DMXL2: variants seen among roughly 807,000 people sequenced by gnomAD.
DMXL2 encodes the protein Dmx like 2.
A neutral mutation model predicts 331.1 loss-of-function variants in DMXL2; 103 were observed. The ratio of observed to expected loss-of-function variants is 0.31; its 90% CI spans 0.27 to 0.37. DMXL2 has a LOEUF of 0.37. Ranked by LOEUF, DMXL2 falls within the 10% of genes least tolerant of loss-of-function variation. DMXL2 has a pLI of 1.00. For synonymous variants in DMXL2, 1,281 were observed against 1,252.1 expected, an observed-to-expected ratio of 1.02 and a Z score of -0.49; for missense variants, 3,171 against 3,642.9, an observed-to-expected ratio of 0.87 and a Z score of 3.33.
chr15:51,472,114 C>T (rs1214394203), intron 28 of DMXL2, among the ~76,000 whole-genome samples: 1 of 152,048 alleles, frequency 6.6e-6, no homozygotes, highest in Non-Finnish European at 1.5e-5. Context: ...ATGAGTGATA[C>T]ACAAAAGAAA....
At chr15:51,609,323 A>C (rs572997047) in intron 1 of DMXL2, among the ~76,000 whole-genome samples, 62 of 152,374 alleles carry the variant, frequency 4.1e-4, no homozygotes, top group African/African-American at 1.4e-3. Flanking sequence ...AATGAAGTGA[A>C]AGTTCTAGTG....
intron 29 of DMXL2, among the ~76,000 whole-genome samples, chr15:51,466,831 G>T (rs1012092346): frequency 6.6e-6 from 1 of 151,872 alleles, no homozygotes; most frequent in Non-Finnish European, 1.5e-5. Context: ...ACTTTAAAAT[G>T]ATTCTGAAGT....
intron 29 of DMXL2, among the ~76,000 whole-genome samples, 154 bp downstream of exon 29, chr15:51,471,069 T>G (rs1197617596): frequency 2.0e-5 from 3 of 152,240 alleles, no homozygotes; most frequent in Non-Finnish European, 4.4e-5. Flanking sequence ...GAATTTACTA[T>G]GACTATTCAG....
chr15:51,478,414 A>AT, intron 25 of DMXL2, 67 bp from the exon 26 acceptor site: 1 of 1,386,824 alleles, frequency 7.2e-7, no homozygotes, highest in Non-Finnish European at 1.0e-6. Flanking sequence ...TATTTCAAAA[A>AT]TTAGAAAACA....
chr15:51,525,388 C>T (rs1414992513), intron 13 of DMXL2, among the ~76,000 whole-genome samples: 2 of 152,014 alleles, frequency 1.3e-5, no homozygotes, highest in Admixed American at 1.3e-4. Flanking sequence ...TTCGACAGCA[C>T]ATATATTAAA....
chr15:51,458,675 G>A (rs2039862294), intron 35 of DMXL2, 34 bp downstream of exon 35: 1 of 1,613,766 alleles, frequency 6.2e-7, no homozygotes, highest in South Asian at 1.1e-5. Context: ...TCACTAAGGA[G>A]AAATACACTG....
At chr15:51,560,504 C>CAAAAAAAAAA (rs66990182) in intron 6 of DMXL2, among the ~76,000 whole-genome samples, 1 of 41,522 alleles carries the variant, frequency 2.4e-5, no homozygotes, top group African/African-American at 1.1e-4. Context: ...TTATTTCTAC[C>CAAAAAAAAAA]AAAAAAAAAA....
intron 1 of DMXL2, among the ~76,000 whole-genome samples, chr15:51,592,725 C>T (rs192729381): frequency 1.3e-5 from 2 of 152,356 alleles, no homozygotes; most frequent in Non-Finnish European, 2.9e-5. Flanking sequence ...TCGGCATAAA[C>T]TCTACAAGAG....
At chr15:51,474,975 C>G (rs1406812210) in intron 27 of DMXL2, among the ~76,000 whole-genome samples, 1 of 152,012 alleles carries the variant, frequency 6.6e-6, no homozygotes, top group Non-Finnish European at 1.5e-5. Flanking sequence ...ATATTTTACA[C>G]AGTCTCAAAC....
chr15:51,517,051 A>T, intron 14 of DMXL2, 27 bp downstream of exon 14: 8 of 1,563,928 alleles, frequency 5.1e-6, no homozygotes, highest in Non-Finnish European at 7.1e-6. Context: ...GTATACGAAT[A>T]TCACCAATTC....
chr15:51,582,351 G>T (rs139791426), intron 1 of DMXL2, among the ~76,000 whole-genome samples: 4 of 151,876 alleles, frequency 2.6e-5, no homozygotes, highest in African/African-American at 9.7e-5. Context: ...CTATCGTTTC[G>T]TTTTCTGTTG....
At chr15:51,538,685 C>T (rs2048417418) in intron 9 of DMXL2, among the ~76,000 whole-genome samples, 1 of 152,036 alleles carries the variant, frequency 6.6e-6, no homozygotes, top group African/African-American at 2.4e-5. Context: ...AATGCATCAA[C>T]CTTCAGTGAA....
At chr15:51,566,510 C>G (rs903991703) in intron 3 of DMXL2, among the ~76,000 whole-genome samples, 23 of 151,944 alleles carry the variant, frequency 1.5e-4, no homozygotes, top group African/African-American at 4.4e-4. Flanking sequence ...TGTGGAGCAA[C>G]TACCTTGAAG....
chr15:51,452,609 AGGT>A (rs2039249143), intron 41 of DMXL2, among the ~76,000 whole-genome samples: 1 of 152,208 alleles, frequency 6.6e-6, no homozygotes, highest in East Asian at 1.9e-4. Flanking sequence ...GCTGGCATGG[AGGT>A]GGTGAAAAGG....
chr15:51,563,977 A>G (rs1279700427), intron 5 of DMXL2, 148 bp downstream of exon 5: 1 of 736,050 alleles, frequency 1.4e-6, no homozygotes, highest in African/African-American at 2.1e-5. Flanking sequence ...GAATGCTATT[A>G]TATGGGTTTT....
At chr15:51,494,423 C>T (rs1418404260) in intron 19 of DMXL2, among the ~76,000 whole-genome samples, 1 of 152,114 alleles carries the variant, frequency 6.6e-6, no homozygotes, top group South Asian at 2.1e-4. Flanking sequence ...GACTGGGATT[C>T]GCACTCCCAA....
chr15:51,506,384 T>G (rs547224701), intron 16 of DMXL2, among the ~76,000 whole-genome samples: 32 of 151,230 alleles, frequency 2.1e-4, no homozygotes, highest in South Asian at 4.2e-4. Context: ...TTCTTAATGC[T>G]CTACAAAAAC....
Position 51,458,601 on chromosome 15 carries a change from A to G in DMXL2, c.8103T>C (p.Ala2701=), listed in dbSNP as rs768303831. 6 of 1,613,884 alleles carry G rather than the reference A, an allele frequency of 3.7e-6. No individual in the cohort carries two copies. The highest frequency in any genetic ancestry group is 2.7e-5 in the African/African-American group (2 of 74,946). Reference sequence around the variant, plus strand: ...CAAGTTCTTGAACATCATGTGTTGAAGCCAAAACAATTTCATTACAATTTG... The same window carrying G: ...CAAGTTCTTGAACATCATGTGTTGAGGCCAAAACAATTTCATTACAATTTG... The part of the protein sequence containing the change: ...NKANCNEIVL[A]STHDVQELDV... Residue 2701 remains alanine (A), a synonymous_variant, in exon 36 of 44, where the codon GCT becomes GCC. Transcript: ENST00000560891.
intron 1 of DMXL2, among the ~76,000 whole-genome samples, chr15:51,611,110 AAAT>A (rs1344770865): frequency 6.6e-6 from 1 of 152,082 alleles, no homozygotes; most frequent in African/African-American, 2.4e-5. Flanking sequence ...AGAAGAAAGG[AAAT>A]AATAAATTAA....
Sources: gnomAD v4.1 joint callset for allele counts (sites outside exome capture counted in the v4.1 genomes callset) on GRCh38, gnomAD v4.1.1 for gene constraint, MANE v1.5 for transcripts, NCBI Gene and HGNC (gene_info 2026-07-23, HGNC 2026-07-21) for gene names.